The following PITX1 variants were observed in gnomAD, a reference collection of about 807,000 sequenced individuals.
PITX1 encodes pituitary homeobox 1.
PITX1 carries 5 observed loss-of-function variants against 24.1 expected under a neutral mutation model. The ratio of observed to expected loss-of-function variants is 0.21; its 90% CI spans 0.11 to 0.44. PITX1 has a LOEUF of 0.44. Ranked by LOEUF, PITX1 falls within the 20% of genes least tolerant of loss-of-function variation. The probability of loss-of-function intolerance (pLI) is 0.99; values close to 1 mark genes in which losing one functional copy is unlikely to be tolerated. For missense variants in PITX1, 401 were observed against 455.4 expected (o/e 0.88, Z 1.09); for synonymous variants, 213 against 208.9 (o/e 1.02, Z -0.17).
At position 135,029,038 on chromosome 5, in the gene PITX1, A is replaced by G. The variant is rs1240871076; in HGVS notation, c.686T>C (p.Met229Thr). The G allele has an allele frequency of 2.5e-6, 4 of 1,614,090 alleles. No homozygotes were observed. In the East Asian group the frequency reaches 6.7e-5, roughly 27 times the overall value. Residue 229 changes from methionine (M) to threonine (T), a missense_variant, in exon 3 of 3, where the codon ATG (methionine) becomes ACG (threonine). Physicochemically the swap from Met to Thr is moderately conservative, Grantham distance 81. Around this residue, in one of 3 missense-constraint regions of PITX1, gnomAD observed 217 missense variants for 219.8 expected, o/e 0.99. Coordinates refer to ENST00000265340, the MANE Select transcript of PITX1 (RefSeq NM_002653.5). ...SISSMTMPSS[M>T]GPGAVPGMPN... Reference sequence around the variant, plus strand: ...CATGCCAGGCACGGCGCCTGGGCCCATGCTGGACGGCATGGTCATGGAGGA... The same window carrying G: ...CATGCCAGGCACGGCGCCTGGGCCCGTGCTGGACGGCATGGTCATGGAGGA...
Position 135,028,931 on chromosome 5 carries a change from C to T in PITX1, c.793G>A (p.Gly265Ser), listed in dbSNP as rs141612135. Reference protein sequence around the residue: ...SAMSPGACPYGTPASPYSVYR... With the variant: ...SAMSPGACPYSTPASPYSVYR... The stretch of plus-strand genomic sequence containing the variant: ...ACGCTGTAGGGCGAGGCGGGAGTGC[C>T]GTACGGGCAAGCGCCCGGCGACATG... Residue 265 changes from glycine to serine, a missense_variant, in exon 3 of 3, where the codon GGC becomes AGC. Around this residue, in one of 3 missense-constraint regions of PITX1, gnomAD observed 217 missense variants for 219.8 expected, o/e 0.99. Transcript: ENST00000265340. 2 of 1,613,968 alleles carry T rather than the reference C, an allele frequency of 1.2e-6. No individual in the cohort carries two copies. The highest frequency in any genetic ancestry group is 1.7e-4 in the Middle Eastern group (1 of 6,038).
In PITX1 at chr5:135,033,004, G is replaced by A. The variant is rs753653931; in HGVS notation, c.169+709C>T. Reference sequence around the variant, plus strand: ...CGCCGGCCACCCGCGGGCCCAGTTCGCTGCTGGAAAAAAGCTCCAGCTCGG... The same window carrying A: ...CGCCGGCCACCCGCGGGCCCAGTTCACTGCTGGAAAAAAGCTCCAGCTCGG... On this transcript the variant is annotated intron_variant, in intron 1 of 2. Coordinates refer to ENST00000265340, the MANE Select transcript of PITX1 (RefSeq NM_002653.5). The surrounding 1 kb of genome is among the most constrained non-coding windows in gnomAD (Gnocchi z 5.9). 6.7e-6 allele frequency: 3 copies of A among 449,002 alleles called. No homozygotes were observed. Among genetic ancestry groups the A allele is most frequent in the African/African-American group, 6.2e-5 (3 of 48,460 alleles). The allele number at this position is 449,002 out of a possible 1,614,324, so 27.8% of individuals were successfully genotyped here. A position where few individuals can be genotyped will look rare whatever the true frequency, so the allele number is the denominator to read the frequency against.
At position 135,029,152 on chromosome 5, in the gene PITX1, G is replaced by A. The variant is rs1752405685; in HGVS notation, c.572C>T (p.Pro191Leu). 6.2e-7 allele frequency: 1 copy of A among 1,614,122 alleles called. No individual in the cohort carries two copies. The highest frequency in any genetic ancestry group is 1.3e-5 in the African/African-American group (1 of 74,950). Residue 191 changes from proline to leucine, a missense_variant, in exon 3 of 3, where the codon CCA (proline) becomes CTA (leucine). Around this residue, in one of 3 missense-constraint regions of PITX1, gnomAD observed 217 missense variants for 219.8 expected, o/e 0.99. Coordinates refer to ENST00000265340, the MANE Select transcript of PITX1 (RefSeq NM_002653.5). ...GAAGCTCTTGGTGGAGAGCGGCGCTGGCGCCAGGCTCTTGGCGGCCCAGTT... is the reference window on the plus strand; with the variant it reads ...GAAGCTCTTGGTGGAGAGCGGCGCTAGCGCCAGGCTCTTGGCGGCCCAGTT... ...YNNWAAKSLAPAPLSTKSFTF... is the reference protein window; with the variant it reads ...YNNWAAKSLALAPLSTKSFTF...
At chr5:135,034,317 G>A (rs1265488472), upstream of PITX1, 1 of 151,600 alleles carries the variant, frequency 6.6e-6, no homozygotes, top group Non-Finnish European at 1.5e-5. Context: ...GGCTGGGGAG[G>A]GAGCGAGCGA....
chr5:135,032,936 C>T (rs1158303102), intron 1 of PITX1: 5 of 442,782 alleles, frequency 1.1e-5, no homozygotes, highest in African/African-American at 1.0e-4. Flanking sequence ...CTCCGGAACC[C>T]GGCCGGCTGC....
chr5:135,032,168 A>G (rs2149561405), intron 1 of PITX1, among the ~76,000 whole-genome samples: 1 of 152,372 alleles, frequency 6.6e-6, no homozygotes, highest in South Asian at 2.1e-4. Flanking sequence ...AAAACAAAAC[A>G]CAGAAGCCCA....
At chr5:135,030,293 C>G (rs1396312170) in intron 2 of PITX1, among the ~76,000 whole-genome samples, 2 of 152,182 alleles carry the variant, frequency 1.3e-5, no homozygotes, top group East Asian at 3.8e-4. Context: ...CCAGCACTGA[C>G]ACTACCTGAT....
Position 135,033,726 on chromosome 5 carries a change from G to T in PITX1, c.156C>A (p.Asp52Glu), listed in dbSNP as rs200290396. Residue 52 changes from aspartate to glutamate, a missense_variant, in exon 1 of 3, where the codon GAC becomes GAA. This residue lies in a region of PITX1 where 136 missense variants were observed against 133.3 expected (regional missense o/e 1.02). Transcript: ENST00000265340. This position sits in a 1 kb window ranked among gnomAD's most constrained non-coding sequence, Gnocchi z 5.9. The part of the protein sequence containing the change: ...PLENSASESS[D>E]TELPEKERGG... ...AACGGCGCTTACCTGGCAGCTCCGT[G>T]TCAGACGACTCGCTGGCGGAGTTCT... 1.3e-6 allele frequency: 2 copies of T among 1,596,520 alleles called. No individual in the cohort carries two copies. The highest frequency in any genetic ancestry group is 2.2e-5 in the East Asian group (1 of 44,522).
chr5:135,031,422 T>C lies in PITX1; in HGVS notation c.256A>G (p.Lys86Glu). The change falls in exon 2 of 3, where the codon AAG (lysine) becomes GAG (glutamate). Residue 86 changes from lysine (K) to glutamate (E), a missense_variant. Lys to Glu is a moderately conservative substitution (Grantham distance 56). This residue lies in a region of PITX1 where 136 missense variants were observed against 133.3 expected (regional missense o/e 1.02). Coordinates refer to ENST00000265340, the MANE Select transcript of PITX1 (RefSeq NM_002653.5). ...GTACGTTGCCGCCGCTGCTTCTTCT[T>C]CTTGGCTGGGTCGTCTGCGCCGCCG... ...GCGGADDPAK[K>E]KKQRRQRTHF... 6.2e-7 allele frequency: 1 copy of C among 1,614,060 alleles called. No homozygotes were observed. Among genetic ancestry groups the C allele is most frequent in the Non-Finnish European group, 8.5e-7 (1 of 1,179,938 alleles).
chr5:135,031,591 C>G (rs931688181), intron 1 of PITX1, 83 bp from the exon 2 acceptor site: 8 of 1,141,132 alleles, frequency 7.0e-6, no homozygotes, highest in African/African-American at 1.5e-5. Flanking sequence ...CCGCTCGCCA[C>G]CAGCGCTGGC....
At position 135,033,659 on chromosome 5, in the gene PITX1, C is replaced by A; in HGVS notation, c.169+54G>T. 1.3e-6 allele frequency: 2 copies of A among 1,567,132 alleles called. No homozygotes were observed. Among genetic ancestry groups the A allele is most frequent in the South Asian group, 1.1e-5 (1 of 88,446 alleles). On this transcript the variant is annotated intron_variant, in intron 1 of 2. Coordinates refer to ENST00000265340, the MANE Select transcript of PITX1 (RefSeq NM_002653.5). This position sits in a 1 kb window ranked among gnomAD's most constrained non-coding sequence, Gnocchi z 5.9. ...GCGTCAGGCCCTGCTCCCAGCTCCC[C>A]GTGCTCCGCGCCCGGGTAGGCTCTG...
Position 135,033,470 on chromosome 5 carries a change from C to T in PITX1, c.169+243G>A. On this transcript the variant is annotated intron_variant, in intron 1 of 2. Transcript: ENST00000265340. This position sits in a 1 kb window ranked among gnomAD's most constrained non-coding sequence, Gnocchi z 5.9. ...CAAGAGGGGCTGTCAGTCCAACCCT[C>T]CAGCTGTAGGCTCGTGCATCTGCCA... 1.8e-6 allele frequency: 1 copy of T among 556,754 alleles called. No individual in the cohort carries two copies. Among genetic ancestry groups the T allele is most frequent in the Non-Finnish European group, 3.2e-6 (1 of 313,714 alleles). 34.5% of individuals were successfully genotyped at this position (556,754 alleles called of 1,614,324 possible). A position where few individuals can be genotyped will look rare whatever the true frequency, so the allele number is the denominator to read the frequency against.
At position 135,029,208 on chromosome 5, in the gene PITX1, C is replaced by G; in HGVS notation, c.516G>C (p.Glu172Asp). ...PQFSGLVQPY[E>D]DVYAAGYSYN... ...AGGAGTAGCCGGCGGCGTACACGTC[C>G]TCGTAGGGCTGCACTAGGCCGCTGA... is the stretch of plus-strand genomic sequence containing the variant. The change falls in exon 3 of 3, where the codon GAG becomes GAC. Residue 172 changes from glutamate (E) to aspartate (D), a missense_variant. Glu to Asp is a conservative substitution (Grantham distance 45). Coordinates refer to ENST00000265340, the MANE Select transcript of PITX1 (RefSeq NM_002653.5). 6.2e-7 allele frequency: 1 copy of G among 1,614,194 alleles called. No individual in the cohort carries two copies. The highest frequency in any genetic ancestry group is 8.5e-7 in the Non-Finnish European group (1 of 1,180,028).
intron 1 of PITX1, among the ~76,000 whole-genome samples, chr5:135,032,500 A>T (rs1752471804): frequency 6.6e-6 from 1 of 152,238 alleles, no homozygotes; most frequent in Non-Finnish European, 1.5e-5. Context: ...ACCACTGTAA[A>T]TGGATTTTGA....
At chr5:135,029,408 G>A (rs1042906476) in intron 2 of PITX1, 87 bp from the exon 3 acceptor site, 11 of 1,106,950 alleles carry the variant, frequency 9.9e-6, no homozygotes, top group Middle Eastern at 2.9e-4. Flanking sequence ...GCCTTCCGTC[G>A]GCCCGCTGCC....
chr5:135,031,833 GT>G, intron 1 of PITX1: 1 of 449,422 alleles, frequency 2.2e-6, no homozygotes, highest in Non-Finnish European at 4.0e-6. Flanking sequence ...TATGCTTTTT[GT>G]TTGTTTGTTT....
In PITX1 at chr5:135,029,086, A is replaced by G; in HGVS notation, c.638T>C (p.Met213Thr). ...NSMSPLSSQS[M>T]FSAPSSISSM... ...GGAGATGGAGCTGGGTGCTGAGAACATGGACTGCGACGACAGCGGGCTCAT... is the reference window on the plus strand; with the variant it reads ...GGAGATGGAGCTGGGTGCTGAGAACGTGGACTGCGACGACAGCGGGCTCAT... The change falls in exon 3 of 3, where the codon ATG (methionine) becomes ACG (threonine). Residue 213 changes from methionine (M) to threonine (T), a missense_variant. Coordinates refer to ENST00000265340, the MANE Select transcript of PITX1 (RefSeq NM_002653.5). 2 of 1,614,196 alleles carry G rather than the reference A, an allele frequency of 1.2e-6. No individual in the cohort carries two copies. Among genetic ancestry groups the G allele is most frequent in the Non-Finnish European group, 1.7e-6 (2 of 1,180,026 alleles).
Position 135,033,647 on chromosome 5 carries a change from C to T in PITX1, c.169+66G>A. ...TGCGCGGCGCGGGCGTCAGGCCCTG[C>T]TCCCAGCTCCCCGTGCTCCGCGCCC... On this transcript the variant is annotated intron_variant, in intron 1 of 2. Transcript: ENST00000265340. The surrounding 1 kb of genome is among the most constrained non-coding windows in gnomAD (Gnocchi z 5.9). 6.6e-7 allele frequency: 1 copy of T among 1,521,600 alleles called. No individual in the cohort carries two copies. Among genetic ancestry groups the T allele is most frequent in the Non-Finnish European group, 8.9e-7 (1 of 1,121,528 alleles). 94.3% of individuals were successfully genotyped at this position (1,521,600 alleles called of 1,614,324 possible).
rs1030012383 is a variant in PITX1 at position 135,033,625 on chromosome 5, G to A, written c.169+88C>T. 5.0e-5 allele frequency: 68 copies of A among 1,347,542 alleles called. No individual in the cohort carries two copies. The East Asian group carries it at 1.4e-3, about 28-fold the overall frequency. 83.5% of individuals were successfully genotyped at this position (1,347,542 alleles called of 1,614,324 possible). The stretch of plus-strand genomic sequence containing the variant: ...TGGGGCGGAGAGGGAGCTTGGTTGC[G>A]CGGCGCGGGCGTCAGGCCCTGCTCC... On this transcript the variant is annotated intron_variant, in intron 1 of 2. Transcript: ENST00000265340. The surrounding 1 kb of genome is among the most constrained non-coding windows in gnomAD (Gnocchi z 5.9).
Sources: allele counts gnomAD v4.1 joint callset (sites outside exome capture counted in the v4.1 genomes callset), GRCh38; gene constraint gnomAD v4.1.1; regional missense constraint gnomAD v4.1.1; non-coding constraint Gnocchi (gnomAD v3.1); transcripts MANE v1.5; gene names NCBI Gene and HGNC (gene_info 2026-07-23, HGNC 2026-07-21).